The following MIER2 variants were observed in gnomAD, a reference collection of about 807,000 sequenced individuals.
MIER2 encodes MIER family member 2, also known as mesoderm induction early response protein 2.
Under a neutral mutation model 67.6 loss-of-function variants are expected in MIER2, and 30 were observed. The ratio of observed to expected loss-of-function variants is 0.44; its 90% CI spans 0.33 to 0.60. MIER2 has a LOEUF of 0.60. MIER2 is among the 20% of genes least tolerant of loss of function. The pLI, the probability that MIER2 is intolerant of heterozygous loss-of-function variation, is 0.02. For synonymous variants in MIER2, 372 were observed against 312.6 expected (o/e 1.19, Z -2.00); for missense variants, 702 against 745.1 (o/e 0.94, Z 0.67).
chr19:327,631 C>T (rs1317500076), intron 4 of MIER2, among the ~76,000 whole-genome samples: 2 of 152,232 alleles, frequency 1.3e-5, no homozygotes, highest in African/African-American at 2.4e-5. Flanking sequence ...GGGGAGGCCC[C>T]GATGTGCCCC....
At chr19:328,823 A>G (rs977245813) in intron 3 of MIER2, among the ~76,000 whole-genome samples, 4 of 152,234 alleles carry the variant, frequency 2.6e-5, no homozygotes, top group African/African-American at 7.2e-5. Flanking sequence ...ATTCACACTC[A>G]GTCAAAAATG....
At chr19:314,232 G>A (rs1224434360) in intron 7 of MIER2, among the ~76,000 whole-genome samples, 4 of 152,198 alleles carry the variant, frequency 2.6e-5, no homozygotes, top group African/African-American at 9.6e-5. Flanking sequence ...CACCTCTGGG[G>A]AGACATCCTG....
chr19:308,822 T>C lies in MIER2; in HGVS notation c.1088A>G (p.Lys363Arg). 1 of 1,607,520 alleles carries C rather than the reference T, an allele frequency of 6.2e-7. No individual in the cohort carries two copies. The highest frequency in any genetic ancestry group is 8.5e-7 in the Non-Finnish European group (1 of 1,175,248). The change falls in exon 11 of 14, where the codon AAG (lysine) becomes AGG (arginine). Residue 363 changes from lysine (K) to arginine (R), a missense_variant. Physicochemically the swap from Lys to Arg is conservative, Grantham distance 26 (BLOSUM62 2). Coordinates refer to ENST00000264819, the MANE Select transcript of MIER2 (RefSeq NM_017550.3). This position sits in a 1 kb window ranked among gnomAD's most constrained non-coding sequence, Gnocchi z 9.1. ...FAQQTRLGRRKYVPSGTTDAD... is the reference protein window; with the variant it reads ...FAQQTRLGRRRYVPSGTTDAD... ...GCACGTGGTTCCGGACGGGACGTACTTCCTCCGGCCCAGCCGCGTCTGCTG... is the reference window on the plus strand; with the variant it reads ...GCACGTGGTTCCGGACGGGACGTACCTCCTCCGGCCCAGCCGCGTCTGCTG...
chr19:334,483 AG>A lies in MIER2; in HGVS notation c.159del (p.Tyr54ThrfsTer66). 6.2e-7 allele frequency: 1 copy of A among 1,614,150 alleles called. No individual in the cohort carries two copies. The highest frequency in any genetic ancestry group is 8.5e-7 in the Non-Finnish European group (1 of 1,180,012). Reference protein sequence around the residue: ...QFNLAEILSQNYSVRGECEEA... With the variant: ...QFNLAEILSQXYSVRGECEEA... ...TCCTCGCACTCCCCCCTAACACTGT[AG>A]TTCTGTGACAGGATCTCTGCGAGGT... On this transcript the variant is annotated frameshift_variant, in exon 3 of 14. Coordinates refer to ENST00000264819, the MANE Select transcript of MIER2 (RefSeq NM_017550.3). LOFTEE classifies it high-confidence loss of function.
At chr19:323,131 A>G (rs1022230151) in intron 7 of MIER2, among the ~76,000 whole-genome samples, 6 of 151,984 alleles carry the variant, frequency 3.9e-5, no homozygotes, top group African/African-American at 1.5e-4. Flanking sequence ...GCGTCATCAC[A>G]ATGCAATACA....
rs75383893 is a variant in MIER2, at chr19:327,656, C to A, written c.369+208G>T. On this transcript the variant is annotated intron_variant, in intron 4 of 13. Transcript: ENST00000264819. ...CGATGTGCCCCTCCACCCACCAAAG[C>A]CAGAATGACATGTGGCCTGGGGTTA... 1.8e-3 allele frequency among the ~76,000 whole-genome samples: 275 copies of A among 152,354 alleles called. 1 individual carries two copies. Among genetic ancestry groups the A allele is most frequent in the African/African-American group, 6.4e-3 (265 of 41,576 alleles).
chr19:312,243 G>A lies in MIER2; in HGVS notation c.837C>T (p.Phe279=). ...QALYELVKCN[F]NVEEALRRLR... ...GCCTTCGCAGGGCCTCCTCCACATT[G>A]AAGTTGCATTTCACCAACTCGTACA... is the stretch of plus-strand genomic sequence containing the variant. Residue 279 remains phenylalanine (F), a synonymous_variant, in exon 9 of 14, where the codon TTC becomes TTT. Transcript: ENST00000264819. 2.5e-6 allele frequency: 4 copies of A among 1,613,950 alleles called. No individual in the cohort carries two copies. The highest frequency in any genetic ancestry group is 3.4e-6 in the Non-Finnish European group (4 of 1,179,890).
rs116481999 is a variant in MIER2, at chr19:343,020, C to G, written c.9+1754G>C. 5.3e-3 allele frequency among the ~76,000 whole-genome samples: 814 copies of G among 152,270 alleles called. 12 individuals carry two copies. Among genetic ancestry groups the G allele is most frequent in the African/African-American group, 0.019 (780 of 41,546 alleles). ...GTCTCTCTCTGACCAGACTCTGCAT[C>G]CCTGTAGGAGAGGCCCTGTCTGCTC... On this transcript the variant is annotated intron_variant, in intron 1 of 13. Coordinates refer to ENST00000264819, the MANE Select transcript of MIER2 (RefSeq NM_017550.3).
intron 8 of MIER2, 76 bp from the exon 9 acceptor site, chr19:312,348 C>A (rs1020066894): frequency 2.7e-5 from 39 of 1,463,106 alleles, no homozygotes; most frequent in Non-Finnish European, 3.1e-5. Context: ...TACCATCCAG[C>A]GAGTGGCATC....
rs556368172 is a variant in MIER2 at position 313,382 on chromosome 19, C to A, written c.807+110G>T. 8 of 1,509,318 alleles carry A rather than the reference C, an allele frequency of 5.3e-6. No homozygotes were observed. The East Asian group carries it at 1.4e-4, about 26-fold the overall frequency. The allele number at this position is 1,509,318 out of a possible 1,614,324, so 93.5% of individuals were successfully genotyped here. ...AGTGCCCTGGCCCCCACACACCTGA[C>A]CCCTGCCCTCCCCTCTGCCCTCCCT... is the stretch of plus-strand genomic sequence containing the variant. On this transcript the variant is annotated intron_variant, in intron 8 of 13. Transcript: ENST00000264819.
Position 326,572 on chromosome 19 carries a change from C to G in MIER2, c.520G>C (p.Glu174Gln), listed in dbSNP as rs1463540614. 2.5e-6 allele frequency: 4 copies of G among 1,614,142 alleles called. No individual in the cohort carries two copies. The highest frequency in any genetic ancestry group is 4.5e-5 in the East Asian group (2 of 44,882). ...GSRFLADEDR[E>Q]PGSSASSDTE... ...TCGGAGGAGGCAGAAGAGCCAGGCT[C>G]TCTGTCTTCATCAGCCAGGAAACGA... Residue 174 changes from glutamate to glutamine, a missense_variant, in exon 6 of 14, where the codon GAG (glutamate) becomes CAG (glutamine). Physicochemically the swap from Glu to Gln is conservative, Grantham distance 29. Transcript: ENST00000264819.
intron 1 of MIER2, chr19:344,414 C>T (rs1432711734): frequency 1.0e-6 from 1 of 982,242 alleles, no homozygotes; most frequent in Non-Finnish European, 1.2e-6. Flanking sequence ...CGGGCCGGGG[C>T]CGGGAACCGG....
intron 5 of MIER2, 42 bp downstream of exon 5, chr19:327,091 G>C (rs754209980): frequency 1.3e-6 from 2 of 1,554,556 alleles, no homozygotes; most frequent in Admixed American, 2.2e-5. Context: ...CTGCCTGGCA[G>C]GGGGCCTGGC....
At chr19:327,727 T>G (rs1971824897) in intron 4 of MIER2, 137 bp downstream of exon 4, 1 of 1,367,666 alleles carries the variant, frequency 7.3e-7, no homozygotes, top group African/African-American at 1.5e-5. Flanking sequence ...AACCCCAGGG[T>G]AGTGGTCACA....
chr19:327,275 A>C lies in MIER2; in HGVS notation c.370-19T>G, dbSNP rs1451584560. ...TTTGTTCCTTTAAAAAAAAAAAAAAAAGTAAAGAACATTTTACAGTTTAAC... is the reference window on the plus strand; with the variant it reads ...TTTGTTCCTTTAAAAAAAAAAAAAACAGTAAAGAACATTTTACAGTTTAAC... On this transcript the variant is annotated intron_variant, in intron 4 of 13. Transcript: ENST00000264819. The C allele has an allele frequency of 6.4e-7, 1 of 1,572,034 alleles. No individual in the cohort carries two copies. Among genetic ancestry groups the C allele is most frequent in the African/African-American group, 1.4e-5 (1 of 71,576 alleles).
At chr19:323,847 T>A (rs1023977192) in intron 7 of MIER2, among the ~76,000 whole-genome samples, 2 of 145,484 alleles carry the variant, frequency 1.4e-5, no homozygotes, top group Non-Finnish European at 3.0e-5. Flanking sequence ...CACAGACAAC[T>A]CGAATGACAC....
At chr19:342,382 G>A (rs1972545906) in intron 1 of MIER2, among the ~76,000 whole-genome samples, 1 of 151,916 alleles carries the variant, frequency 6.6e-6, no homozygotes, top group Non-Finnish European at 1.5e-5. Flanking sequence ...GAAGGCCTGG[G>A]GGGCCTCAGT....
At chr19:344,335 G>C in intron 1 of MIER2, 2 of 984,756 alleles carry the variant, frequency 2.0e-6, no homozygotes, top group Non-Finnish European at 2.4e-6. Context: ...AGCGCGGGGC[G>C]CCTGGCGGCC....
chr19:306,806 G>A (rs921240550), intron 13 of MIER2, 95 bp from the exon 14 acceptor site: 13 of 1,535,588 alleles, frequency 8.5e-6, no homozygotes, highest in Non-Finnish European at 1.1e-5. Context: ...GAGACTCCCA[G>A]CCTTGCCTCC....
Sources: gnomAD v4.1 joint callset for allele counts (sites outside exome capture counted in the v4.1 genomes callset) on GRCh38, gnomAD v4.1.1 for gene constraint, Gnocchi (gnomAD v3.1) non-coding constraint, MANE v1.5 for transcripts, NCBI Gene and HGNC (gene_info 2026-07-23, HGNC 2026-07-21) for gene names.